NOVA2: variants seen among roughly 807,000 people sequenced by gnomAD.
NOVA2 encodes the protein RNA-binding protein Nova-2.
NOVA2 carries 9 observed loss-of-function variants against 22.5 expected under a neutral mutation model. The ratio of observed to expected loss-of-function variants is 0.40; its 90% CI spans 0.24 to 0.70. NOVA2 has a LOEUF of 0.70. Among genes scored for constraint, NOVA2 ranks in the 30% least tolerant of loss-of-function variants. The pLI is 0.38. For missense variants in NOVA2, 383 were observed against 682.8 expected (o/e 0.56, Z 4.89); for synonymous variants, 318 against 335.2 (o/e 0.95, Z 0.56).
intron 2 of NOVA2, 38 bp downstream of exon 2, chr19:45,960,972 G>GC: frequency 6.5e-7 from 1 of 1,548,398 alleles, no homozygotes; most frequent in Non-Finnish European, 8.7e-7. Flanking sequence ...GGGAGGAAGG[G>GC]CGGGGGGCCT....
chr19:45,945,390 A>G (rs1397677028), intron 3 of NOVA2, among the ~76,000 whole-genome samples: 1 of 152,222 alleles, frequency 6.6e-6, no homozygotes, highest in Non-Finnish European at 1.5e-5. Flanking sequence ...GTGTACAACT[A>G]TGTGACTATA....
intron 1 of NOVA2, among the ~76,000 whole-genome samples, chr19:45,965,161 G>A (rs8108359): frequency 0.29 from 43,616 of 151,842 alleles, 6,678 homozygotes; most frequent in East Asian, 0.51. Flanking sequence ...ACAGATAAGG[G>A]GTCCTTTATC....
intron 3 of NOVA2, among the ~76,000 whole-genome samples, chr19:45,946,611 C>A (rs1294643650): frequency 6.6e-6 from 1 of 152,062 alleles, no homozygotes; most frequent in African/African-American, 2.4e-5. Context: ...CGGTGGCTCA[C>A]GCCTGTAATC....
intron 3 of NOVA2, among the ~76,000 whole-genome samples, chr19:45,952,906 C>G (rs1187482913): frequency 6.6e-6 from 1 of 152,238 alleles, no homozygotes; most frequent in Admixed American, 6.5e-5. Context: ...CCCAAGAATT[C>G]CAGATTTTAC....
chr19:45,946,745 G>A (rs768589448), intron 3 of NOVA2, among the ~76,000 whole-genome samples: 1 of 152,024 alleles, frequency 6.6e-6, no homozygotes, highest in Non-Finnish European at 1.5e-5. Context: ...GGTGGCACAC[G>A]CCTGTAGTTC....
Position 45,940,955 on chromosome 19 carries a change from G to T in NOVA2, c.397-10C>A, listed in dbSNP as rs779374621. 6.3e-7 allele frequency: 1 copy of T among 1,588,064 alleles called. No homozygotes were observed. Among genetic ancestry groups the T allele is most frequent in the Non-Finnish European group, 8.5e-7 (1 of 1,175,602 alleles). On this transcript the variant is annotated splice_polypyrimidine_tract_variant and intron_variant, in intron 3 of 3. Coordinates refer to ENST00000263257, the MANE Select transcript of NOVA2 (RefSeq NM_002516.4). ...GGACGATCAGCTTGGCCTGCGTGGG[G>T]AGCAAAAGGGAGGGTCTTTAATTTT...
chr19:45,963,028 CG>C (rs377330214), intron 1 of NOVA2, among the ~76,000 whole-genome samples: 625 of 152,232 alleles, frequency 4.1e-3, no homozygotes, highest in Non-Finnish European at 6.8e-3. Flanking sequence ...CTCCCCTGCC[CG>C]TTGCCCCTAC....
chr19:45,972,575 G>T (rs1463227351), intron 1 of NOVA2, among the ~76,000 whole-genome samples: 2 of 152,130 alleles, frequency 1.3e-5, no homozygotes, highest in African/African-American at 4.8e-5. Flanking sequence ...CAAACATGGA[G>T]CCCAGCCCCT....
intron 3 of NOVA2, among the ~76,000 whole-genome samples, chr19:45,952,335 T>C (rs887544582): frequency 6.6e-6 from 1 of 152,170 alleles, no homozygotes; most frequent in Non-Finnish European, 1.5e-5. Context: ...GAAATCAAAG[T>C]CACTTGCTCA....
intron 1 of NOVA2, among the ~76,000 whole-genome samples, chr19:45,964,167 CTTTTTCTTTTTCTT>C (rs1968135116): frequency 7.8e-6 from 1 of 127,912 alleles, no homozygotes; most frequent in Non-Finnish European, 1.6e-5. Flanking sequence ...TTCTTTTTTT[CTTTTTCTTTTTCTT>C]TTTTTTTTTT....
chr19:45,940,312 G>T lies in NOVA2; in HGVS notation c.1030C>A (p.Pro344Thr). 2.6e-6 allele frequency: 3 copies of T among 1,151,734 alleles called. No homozygotes were observed. Among genetic ancestry groups the T allele is most frequent in the Non-Finnish European group, 3.2e-6 (3 of 939,748 alleles). The allele number at this position is 1,151,734 out of a possible 1,614,324, so 71.3% of individuals were successfully genotyped here. A position where few individuals can be genotyped will look rare whatever the true frequency, so the allele number is the denominator to read the frequency against. ...GCTCCGGGAGGCGGGGGCGGCGGCGGGGCGGCCCCTCCGGCTGGCCCGGCC... is the reference window on the plus strand; with the variant it reads ...GCTCCGGGAGGCGGGGGCGGCGGCGTGGCGGCCCCTCCGGCTGGCCCGGCC... ...AGAGPAGGAA[P>T]PPPPPPGALG... Residue 344 changes from proline to threonine, a missense_variant, in exon 4 of 4, where the codon CCG (proline) becomes ACG (threonine). Pro to Thr is a conservative substitution (Grantham distance 38). Transcript: ENST00000263257.
At position 45,935,020 on chromosome 19, in the gene NOVA2, C is replaced by T. The variant is rs1425587384; in HGVS notation, c.*4843G>A. 6.6e-6 allele frequency: 1 copy of T among 151,736 alleles called. No individual in the cohort carries two copies. The highest frequency in any genetic ancestry group is 1.5e-5 in the Non-Finnish European group (1 of 67,984). The allele number at this position is 151,736 out of a possible 1,614,324, so 9.4% of individuals were successfully genotyped here. A position where few individuals can be genotyped will look rare whatever the true frequency, so the allele number is the denominator to read the frequency against. ...ATCAAAAAGAGTTCGATGAGCGAGT[C>T]TGACGGTCGAGTGGGGCGGGCTGGA... On this transcript the variant is annotated 3_prime_UTR_variant, in exon 4 of 4. Transcript: ENST00000263257.
At chr19:45,946,162 T>C (rs1967835136) in intron 3 of NOVA2, among the ~76,000 whole-genome samples, 1 of 151,578 alleles carries the variant, frequency 6.6e-6, no homozygotes. Flanking sequence ...ATTAACTGAG[T>C]GTGGTGGTGC....
Position 45,940,412 on chromosome 19 carries a change from G to T in NOVA2, c.930C>A (p.Ala310=), listed in dbSNP as rs1386514633. ...LNSAAASGVL[A]AVAAGANPAA... ...CTGGGTTGGCCCCGGCGGCCACGGC[G>T]GCCAGGACGCCGGAAGCTGCGGCCG... is the stretch of plus-strand genomic sequence containing the variant. The change falls in exon 4 of 4, where the codon GCC becomes GCA. Residue 310 remains alanine (A), a synonymous_variant. Coordinates refer to ENST00000263257, the MANE Select transcript of NOVA2 (RefSeq NM_002516.4). 1.4e-6 allele frequency: 2 copies of T among 1,473,896 alleles called. No individual in the cohort carries two copies. The highest frequency in any genetic ancestry group is 1.8e-6 in the Non-Finnish European group (2 of 1,109,192). 91.3% of individuals were successfully genotyped at this position (1,473,896 alleles called of 1,614,324 possible). A position where few individuals can be genotyped will look rare whatever the true frequency, so the allele number is the denominator to read the frequency against.
In NOVA2 at chr19:45,953,876, G is replaced by A. The variant is rs761319971; in HGVS notation, c.300C>T (p.Ala100=). Residue 100 remains alanine, a synonymous_variant, in exon 3 of 4, where the codon GCC becomes GCT. Coordinates refer to ENST00000263257, the MANE Select transcript of NOVA2 (RefSeq NM_002516.4). ...EALNAVHSFI[A]EKVREIPQAM... is the part of the protein sequence containing the mutation. ...CTTGTGGGATTTCTCGGACCTTCTC[G>A]GCAATAAAGCTGTGCACAGCATTCA... is the stretch of plus-strand genomic sequence containing the variant. The A allele has an allele frequency of 7.4e-6, 12 of 1,614,148 alleles. No individual in the cohort carries two copies. Among genetic ancestry groups the A allele is most frequent in the East Asian group, 4.5e-5 (2 of 44,876 alleles).
chr19:45,963,657 G>A (rs542604245), intron 1 of NOVA2, among the ~76,000 whole-genome samples: 25 of 151,506 alleles, frequency 1.7e-4, no homozygotes, highest in African/African-American at 5.3e-4. Flanking sequence ...TCAGCCTCCC[G>A]AGTAGCTGGG....
chr19:45,957,299 G>A (rs1254989388), intron 2 of NOVA2, among the ~76,000 whole-genome samples: 1 of 152,164 alleles, frequency 6.6e-6, no homozygotes, highest in African/African-American at 2.4e-5. Flanking sequence ...AGCACTTTGG[G>A]AGGCCGAGGC....
chr19:45,948,581 C>G (rs759257282), intron 3 of NOVA2, among the ~76,000 whole-genome samples: 32 of 123,212 alleles, frequency 2.6e-4, no homozygotes, highest in African/African-American at 8.3e-4. Flanking sequence ...GCCTGGGGGA[C>G]GGAGGGAGAC....
intron 3 of NOVA2, among the ~76,000 whole-genome samples, chr19:45,948,013 G>T (rs190073553): frequency 3.3e-5 from 5 of 152,230 alleles, no homozygotes; most frequent in Admixed American, 6.5e-5. Flanking sequence ...AGGATATTCA[G>T]ACCTCCTCAT....
Sources: allele counts gnomAD v4.1 joint callset (sites outside exome capture counted in the v4.1 genomes callset), GRCh38; gene constraint gnomAD v4.1.1; transcripts MANE v1.5; gene names NCBI Gene and HGNC (gene_info 2026-07-23, HGNC 2026-07-21).